Variants in UBE4B observed in about 807,000 individuals in gnomAD.
UBE4B encodes the protein ubiquitination factor E4B.
UBE4B carries 27 observed loss-of-function variants against 148.1 expected under a neutral mutation model. The ratio of observed to expected loss-of-function variants is 0.18; its 90% CI spans 0.13 to 0.25. UBE4B has a LOEUF of 0.25. Ranked by LOEUF, UBE4B falls within the 10% of genes least tolerant of loss-of-function variation. The pLI is 1.00. For synonymous variants in UBE4B, 596 were observed against 619.3 expected (o/e 0.96, Z 0.56); for missense variants, 1,170 against 1,662.4 (o/e 0.70, Z 5.15).
At chr1:10,063,665 G>A (rs1472661910) in intron 1 of UBE4B, among the ~76,000 whole-genome samples, 3 of 152,132 alleles carry the variant, frequency 2.0e-5, no homozygotes, top group African/African-American at 7.2e-5. Context: ...AACACTTTGG[G>A]AGGCCAAGTC....
chr1:10,120,969 A>G (rs1463804536), intron 9 of UBE4B, among the ~76,000 whole-genome samples: 1 of 152,236 alleles, frequency 6.6e-6, no homozygotes, highest in Non-Finnish European at 1.5e-5. Context: ...AAGGAAAATT[A>G]TATACATGTA....
rs965555998 is a variant in UBE4B, at chr1:10,091,442, C to CT, written c.212-4009dup. On this transcript the variant is annotated intron_variant, in intron 2 of 27. Transcript: ENST00000343090. Reference sequence around the variant, plus strand: ...ACACCATCAGGTTTTTGTGTGTGTCCTTTTTTTTTTGACACAGGGTCTTAA... The same window carrying CT: ...ACACCATCAGGTTTTTGTGTGTGTCCTTTTTTTTTTTGACACAGGGTCTTAA... Among the ~76,000 whole-genome samples the CT allele has an allele frequency of 1.6e-3, 234 of 147,136 alleles. 1 individual carries two copies. In the East Asian group the frequency reaches 0.03, roughly 19 times the overall value.
At chr1:10,143,797 A>G (rs888410391) in intron 17 of UBE4B, among the ~76,000 whole-genome samples, 2 of 152,216 alleles carry the variant, frequency 1.3e-5, no homozygotes, top group Non-Finnish European at 2.9e-5. Flanking sequence ...TCCCAGAGCT[A>G]TACTTTGAAC....
Position 10,171,194 on chromosome 1 carries a change from C to T in UBE4B, c.3390C>T (p.Gly1130=). ...MLNFNLQQLC[G]PKCRDLKVEN... ...ACTTTAATCTTCAGCAACTTTGTGGCCCCAAGTGCCGTGACCTGAAAGTTG... is the reference window on the plus strand; with the variant it reads ...ACTTTAATCTTCAGCAACTTTGTGGTCCCAAGTGCCGTGACCTGAAAGTTG... The change falls in exon 25 of 28, where the codon GGC becomes GGT. Residue 1130 remains glycine, a synonymous_variant. Transcript: ENST00000343090. 1 of 1,614,152 alleles carries T rather than the reference C, an allele frequency of 6.2e-7. No individual in the cohort carries two copies. The highest frequency in any genetic ancestry group is 2.2e-5 in the East Asian group (1 of 44,890).
rs537849739 is a variant in UBE4B, at chr1:10,085,793, CT to C, written c.212-9658del. Among the ~76,000 whole-genome samples the C allele has an allele frequency of 8.4e-4, 125 of 149,004 alleles. 4 individuals are homozygous for C. The South Asian group carries it at 0.022, about 26-fold the overall frequency. On this transcript the variant is annotated intron_variant, in intron 2 of 27. Transcript: ENST00000343090. ...CTCAAAGCCCTCCTGTATTCAGTGA[CT>C]TTTTTTTTTCTTTGAGACAGAGTCT...
At chr1:10,175,398 T>C (rs994661420) in intron 25 of UBE4B, among the ~76,000 whole-genome samples, 2 of 151,774 alleles carry the variant, frequency 1.3e-5, no homozygotes, top group African/African-American at 2.4e-5. Flanking sequence ...ACGCCTGTAA[T>C]CCCAGCACTT....
intron 17 of UBE4B, among the ~76,000 whole-genome samples, 190 bp from the exon 18 acceptor site, chr1:10,144,747 AAAG>A (rs1422041926): frequency 8.2e-5 from 12 of 146,064 alleles, no homozygotes; most frequent in Non-Finnish European, 1.4e-4. Flanking sequence ...AAAAAAAAAA[AAAG>A]AAAGAAAGAA....
Position 10,106,089 on chromosome 1 carries a change from G to T in UBE4B, c.810-108G>T. On this transcript the variant is annotated intron_variant, in intron 6 of 27. Transcript: ENST00000343090. This position sits in a 1 kb window ranked among gnomAD's most constrained non-coding sequence, Gnocchi z 4.2. Reference sequence around the variant, plus strand: ...AGATGTTTATCTGCTAGATATACTTGAACTGAAATGATTCTCCTTTAAAAG... The same window carrying T: ...AGATGTTTATCTGCTAGATATACTTTAACTGAAATGATTCTCCTTTAAAAG... The T allele has an allele frequency of 7.8e-7, 1 of 1,283,012 alleles. No individual in the cohort carries two copies. Among genetic ancestry groups the T allele is most frequent in the Non-Finnish European group, 1.1e-6 (1 of 938,344 alleles). 79.5% of individuals were successfully genotyped at this position (1,283,012 alleles called of 1,614,324 possible).
At chr1:10,149,622 A>G (rs973264241) in intron 20 of UBE4B, among the ~76,000 whole-genome samples, 4 of 152,244 alleles carry the variant, frequency 2.6e-5, no homozygotes, top group African/African-American at 9.6e-5. Flanking sequence ...ATCCACATCT[A>G]TATTTTGTAC....
intron 1 of UBE4B, among the ~76,000 whole-genome samples, chr1:10,039,159 T>C (rs542895929): frequency 1.2e-4 from 19 of 152,136 alleles, no homozygotes; most frequent in Middle Eastern, 6.8e-3. Flanking sequence ...CCAACAGTTA[T>C]AGAATAGTGC....
intron 1 of UBE4B, among the ~76,000 whole-genome samples, chr1:10,045,561 A>G (rs1643893741): frequency 6.6e-6 from 1 of 152,212 alleles, no homozygotes; most frequent in Non-Finnish European, 1.5e-5. Flanking sequence ...TTGATGAAAT[A>G]TGGTCTATGT....
rs369659612 is a variant in UBE4B at position 10,151,557 on chromosome 1, T to C, written c.2922T>C (p.Tyr974=). ...TGGTACCTTCCCTGATGAAGTTTTATACAGGTAGGTTGCTGGAACACAGTG... is the reference window on the plus strand; with the variant it reads ...TGGTACCTTCCCTGATGAAGTTTTACACAGGTAGGTTGCTGGAACACAGTG... ...KLLVPSLMKF[Y]TDVEHTGATS... Residue 974 remains tyrosine, a synonymous_variant, in exon 21 of 28, where the codon TAT becomes TAC. Transcript: ENST00000343090. The C allele has an allele frequency of 2.5e-6, 4 of 1,613,362 alleles. No homozygotes were observed. Among genetic ancestry groups the C allele is most frequent in the Non-Finnish European group, 3.4e-6 (4 of 1,179,534 alleles).
intron 1 of UBE4B, among the ~76,000 whole-genome samples, chr1:10,045,171 T>TG (rs1372701834): frequency 2.0e-5 from 3 of 152,198 alleles, no homozygotes; most frequent in Admixed American, 1.3e-4. Context: ...ATGCGAGTGA[T>TG]GGGGAGTGGC....
intron 2 of UBE4B, chr1:10,072,460 G>A (rs1295708304): frequency 2.8e-6 from 2 of 702,984 alleles, no homozygotes; most frequent in Non-Finnish European, 2.6e-6. Context: ...ACAGGTTTAG[G>A]TATTATCTCT....
Position 10,161,190 on chromosome 1 carries a change from G to A in UBE4B, c.3102G>A (p.Thr1034=), listed in dbSNP as rs150856019. ...VRYINMLIND[T]TFLLDESLES... The stretch of plus-strand genomic sequence containing the variant: ...ATATAAACATGTTGATAAACGACAC[G>A]ACGTTTTTGCTCGATGAAAGTCTGG... Residue 1034 remains threonine, a synonymous_variant, in exon 23 of 28, where the codon ACG becomes ACA. Coordinates refer to ENST00000343090, the MANE Select transcript of UBE4B (RefSeq NM_001105562.3). This position sits in a 1 kb window ranked among gnomAD's most constrained non-coding sequence, Gnocchi z 4.1. 3.9e-5 allele frequency: 63 copies of A among 1,613,970 alleles called. No individual in the cohort carries two copies. The African/African-American group carries it at 4.0e-4, about 10-fold the overall frequency.
chr1:10,120,304 T>G (rs900434154), intron 9 of UBE4B, among the ~76,000 whole-genome samples: 2 of 152,142 alleles, frequency 1.3e-5, no homozygotes, highest in African/African-American at 4.8e-5. Context: ...GCGGATCACC[T>G]GAGGTCAGGA....
intron 2 of UBE4B, chr1:10,072,435 C>CT (rs34652791): frequency 0.21 from 108,386 of 508,436 alleles, 10,049 homozygotes; most frequent in African/African-American, 0.6. Context: ...TAACTTCCAT[C>CT]TTTTTTTTTT....
intron 7 of UBE4B, among the ~76,000 whole-genome samples, chr1:10,108,186 A>G (rs188375522): frequency 2.9e-5 from 2 of 68,578 alleles, no homozygotes; most frequent in African/African-American, 5.7e-5. Context: ...CTCCCTTCCC[A>G]CCCCCTCCCA....
At chr1:10,118,868 CTTTTTTTTTTTTTTTTTTTT>C (rs35822677) in intron 8 of UBE4B, among the ~76,000 whole-genome samples, 1 of 23,076 alleles carries the variant, frequency 4.3e-5, no homozygotes, top group African/African-American at 2.1e-4. Context: ...CCAGGCTGGT[CTTTTTTTTTTTTTTTTTTTT>C]TTTTTTTTTT....
Sources: allele counts gnomAD v4.1 joint callset (sites outside exome capture counted in the v4.1 genomes callset), GRCh38; gene constraint gnomAD v4.1.1; non-coding constraint Gnocchi (gnomAD v3.1); transcripts MANE v1.5; gene names NCBI Gene and HGNC (gene_info 2026-07-23, HGNC 2026-07-21).